Variants in KIAA1549L observed in about 807,000 individuals in gnomAD.
KIAA1549L encodes UPF0606 protein KIAA1549L.
In KIAA1549L, 88 loss-of-function variants were observed where a neutral mutation model predicts 160.7. That is an observed-to-expected ratio of 0.55 (90% confidence interval 0.46 to 0.65). KIAA1549L has a LOEUF of 0.65. Ranked by LOEUF, KIAA1549L falls within the 30% of genes least tolerant of loss-of-function variation. KIAA1549L has a pLI of 0.00. For synonymous variants in KIAA1549L, 950 were observed against 976.7 expected (o/e 0.97, Z 0.51); for missense variants, 2,258 against 2,437.5 (o/e 0.93, Z 1.55).
intron 1 of KIAA1549L, among the ~76,000 whole-genome samples, chr11:33,500,483 C>T (rs1852922525): frequency 6.6e-6 from 1 of 152,156 alleles, no homozygotes; most frequent in Non-Finnish European, 1.5e-5. Context: ...AAACTCAAGT[C>T]ATAGCAAAAT....
intron 8 of KIAA1549L, among the ~76,000 whole-genome samples, chr11:33,566,647 G>T (rs752588671): frequency 1.3e-5 from 2 of 152,156 alleles, no homozygotes; most frequent in East Asian, 1.9e-4. Context: ...TTTCTTTCTC[G>T]CTTGATCTAT....
rs147604134 is a variant in KIAA1549L, at chr11:33,426,926, GT to G, written c.238+50040del. 8.1e-3 allele frequency among the ~76,000 whole-genome samples: 1,230 copies of G among 152,228 alleles called. 17 individuals are homozygous for G. The highest frequency in any genetic ancestry group is 0.028 in the African/African-American group (1,164 of 41,544). ...AGTGTTTTCCTACCCCCTATTATCT[GT>G]TTAAGCATAGACTAGCATTTTATGT... On this transcript the variant is annotated intron_variant, in intron 1 of 20. Transcript: ENST00000658780.
chr11:33,548,865 C>T (rs533752761), intron 4 of KIAA1549L, among the ~76,000 whole-genome samples: 2 of 152,078 alleles, frequency 1.3e-5, no homozygotes, highest in African/African-American at 4.8e-5. Context: ...CTTACTGACC[C>T]CCTCCCTCCC....
At chr11:33,592,780 G>C (rs747062962) in intron 12 of KIAA1549L, among the ~76,000 whole-genome samples, 5 of 152,236 alleles carry the variant, frequency 3.3e-5, no homozygotes, top group Non-Finnish European at 7.3e-5. Flanking sequence ...GAGACATAGT[G>C]CTATTTTAGC....
At chr11:33,433,607 A>G (rs1424468704) in intron 1 of KIAA1549L, among the ~76,000 whole-genome samples, 2 of 152,256 alleles carry the variant, frequency 1.3e-5, no homozygotes, top group Non-Finnish European at 1.5e-5. Flanking sequence ...CCAAAGGAAT[A>G]TAAATCATTC....
In KIAA1549L at chr11:33,561,722, T is replaced by C; in HGVS notation, c.4065T>C (p.Tyr1355=). ...ACATATCAGAAACAACCAGAGACTA[T>C]TGGGTAATTACAGGTAATCTCTTAT... ...NLDISETTRD[Y]WVITVLQGVD... is the part of the protein sequence containing the mutation. Residue 1355 remains tyrosine (Y), a synonymous_variant, in exon 8 of 21, where the codon TAT becomes TAC. Transcript: ENST00000658780. 4 of 1,606,954 alleles carry C rather than the reference T, an allele frequency of 2.5e-6. No homozygotes were observed. The highest frequency in any genetic ancestry group is 1.1e-5 in the South Asian group (1 of 90,898).
chr11:33,583,599 A>G, intron 11 of KIAA1549L, 98 bp downstream of exon 11: 1 of 1,111,262 alleles, frequency 9.0e-7, no homozygotes. Context: ...CAGAGCCTGC[A>G]GAAACATCAG....
At chr11:33,453,404 T>C (rs989247594) in intron 1 of KIAA1549L, among the ~76,000 whole-genome samples, 1 of 152,178 alleles carries the variant, frequency 6.6e-6, no homozygotes, top group Non-Finnish European at 1.5e-5. Flanking sequence ...AGTTCAAATA[T>C]GAATCAACAG....
intron 16 of KIAA1549L, among the ~76,000 whole-genome samples, chr11:33,641,572 G>GTATGTA (rs1851580476): frequency 1.0e-5 from 1 of 96,718 alleles, no homozygotes; most frequent in Admixed American, 1.3e-4. Context: ...TAATGGATCT[G>GTATGTA]TATATATATA....
intron 16 of KIAA1549L, among the ~76,000 whole-genome samples, chr11:33,636,747 A>G (rs1410157242): frequency 6.6e-6 from 1 of 152,218 alleles, no homozygotes; most frequent in African/African-American, 2.4e-5. Context: ...AAACTTTATT[A>G]TAGGTTTGTA....
chr11:33,612,966 G>A (rs1376328190), intron 15 of KIAA1549L, among the ~76,000 whole-genome samples: 1 of 152,126 alleles, frequency 6.6e-6, no homozygotes, highest in Non-Finnish European at 1.5e-5. Context: ...AGTATTCCAT[G>A]GTGTATATGT....
intron 1 of KIAA1549L, among the ~76,000 whole-genome samples, chr11:33,442,133 A>C (rs1392680220): frequency 1.3e-5 from 2 of 151,816 alleles, no homozygotes; most frequent in African/African-American, 4.8e-5. Context: ...TCAGCTTTCT[A>C]CATATGGCTA....
intron 1 of KIAA1549L, among the ~76,000 whole-genome samples, chr11:33,480,093 A>C (rs1852377278): frequency 6.6e-6 from 1 of 152,054 alleles, no homozygotes; most frequent in African/African-American, 2.4e-5. Context: ...CTTTGTTGAG[A>C]TATAACCCAA....
At chr11:33,523,912 T>C (rs913399703) in intron 1 of KIAA1549L, among the ~76,000 whole-genome samples, 14 of 152,190 alleles carry the variant, frequency 9.2e-5, no homozygotes, top group Admixed American at 6.5e-5. Flanking sequence ...CTGCATCATA[T>C]TTATTTATGT....
chr11:33,606,904 T>C lies in KIAA1549L; in HGVS notation c.5061+82T>C. On this transcript the variant is annotated intron_variant, in intron 14 of 20. Coordinates refer to ENST00000658780, the MANE Select transcript of KIAA1549L (RefSeq NM_012194.3). ...ACGAAGGAACAACACCTGTGAATAC[T>C]GGGTGCAGATTGCACCTAGGGCCGT... 2.4e-6 allele frequency: 3 copies of C among 1,226,520 alleles called. No individual in the cohort carries two copies. In the South Asian group the frequency reaches 4.5e-5, roughly 18 times the overall value. 76.0% of individuals were successfully genotyped at this position (1,226,520 alleles called of 1,614,324 possible). A position where few individuals can be genotyped will look rare whatever the true frequency, so the allele number is the denominator to read the frequency against.
At chr11:33,578,257 G>A (rs1195607027) in intron 10 of KIAA1549L, among the ~76,000 whole-genome samples, 1 of 152,138 alleles carries the variant, frequency 6.6e-6, no homozygotes, top group Non-Finnish European at 1.5e-5. Flanking sequence ...TGAGAGTCTG[G>A]GAGGTGAGGG....
At chr11:33,476,072 G>A (rs1340220495) in intron 1 of KIAA1549L, among the ~76,000 whole-genome samples, 1 of 152,166 alleles carries the variant, frequency 6.6e-6, no homozygotes, top group Non-Finnish European at 1.5e-5. Flanking sequence ...AACTGGTCTG[G>A]GCAATAGCCC....
intron 10 of KIAA1549L, among the ~76,000 whole-genome samples, chr11:33,575,783 C>T (rs1208599627): frequency 6.6e-6 from 1 of 152,068 alleles, no homozygotes; most frequent in Non-Finnish European, 1.5e-5. Context: ...GTTCAGATTG[C>T]CTGGGGTGCT....
intron 1 of KIAA1549L, among the ~76,000 whole-genome samples, chr11:33,500,605 A>G (rs1852925269): frequency 6.6e-6 from 1 of 152,212 alleles, no homozygotes; most frequent in African/African-American, 2.4e-5. Context: ...TACAGTAGGG[A>G]AATTATAGTT....
Sources: gnomAD v4.1 joint callset for allele counts (sites outside exome capture counted in the v4.1 genomes callset) on GRCh38, gnomAD v4.1.1 for gene constraint, MANE v1.5 for transcripts, NCBI Gene and HGNC (gene_info 2026-07-23, HGNC 2026-07-21) for gene names.